Variants in SPART observed in about 807,000 individuals in gnomAD.
The protein encoded by SPART is spartin, also known as spastic paraplegia 20 (Troyer syndrome).
Under a neutral mutation model 58.7 loss-of-function variants are expected in SPART, and 35 were observed. That is an observed-to-expected ratio of 0.60 (90% confidence interval 0.46 to 0.79). The LOEUF is 0.79. SPART is among the 30% of genes least tolerant of loss of function. SPART has a pLI of 0.00. For synonymous variants in SPART, 284 were observed against 280.7 expected, an observed-to-expected ratio of 1.01 and a Z score of -0.12; for missense variants, 730 against 786.1, an observed-to-expected ratio of 0.93 and a Z score of 0.85.
chr13:36,335,547 A>G lies in SPART; in HGVS notation c.284T>C (p.Leu95Pro), dbSNP rs1182609911. 8 of 1,614,088 alleles carry G rather than the reference A, an allele frequency of 5.0e-6. No homozygotes were observed. Among genetic ancestry groups the G allele is most frequent in the Non-Finnish European group, 5.9e-6 (7 of 1,180,036 alleles). Residue 95 changes from leucine (L) to proline (P), a missense_variant, in exon 2 of 9, where the codon CTA becomes CCA. Physicochemically the swap from Leu to Pro is moderately conservative, Grantham distance 98. Transcript: ENST00000438666. ...LQNVRTRLEI[L>P]EKGLATSLQN... is the part of the protein sequence containing the mutation. ...CAGAGAAGTGGCAAGACCCTTCTCT[A>G]GAATTTCCAGCCTGGTGCGTACATT... is the stretch of plus-strand genomic sequence containing the variant.
chr13:36,325,127 G>A (rs958738644), intron 5 of SPART, among the ~76,000 whole-genome samples: 15 of 152,176 alleles, frequency 9.9e-5, no homozygotes, highest in African/African-American at 3.1e-4. Flanking sequence ...TCAGAGGCCT[G>A]ACAAGTATAA....
chr13:36,322,268 G>A (rs1882488627), intron 5 of SPART, among the ~76,000 whole-genome samples: 1 of 151,944 alleles, frequency 6.6e-6, no homozygotes, highest in Non-Finnish European at 1.5e-5. Flanking sequence ...CCAATATGGT[G>A]AAACTTTGTG....
At chr13:36,317,394 C>T (rs1360582858) in intron 5 of SPART, among the ~76,000 whole-genome samples, 1 of 152,036 alleles carries the variant, frequency 6.6e-6, no homozygotes, top group Non-Finnish European at 1.5e-5. Context: ...AACCTCGTAT[C>T]TCTGTGCCCC....
In SPART at chr13:36,304,228, A is replaced by C; in HGVS notation, c.*137T>G. 1.9e-6 allele frequency: 2 copies of C among 1,054,348 alleles called. No individual in the cohort carries two copies. Among genetic ancestry groups the C allele is most frequent in the Non-Finnish European group, 2.8e-6 (2 of 705,568 alleles). The allele number at this position is 1,054,348 out of a possible 1,614,324, so 65.3% of individuals were successfully genotyped here. On this transcript the variant is annotated 3_prime_UTR_variant, in exon 9 of 9. Transcript: ENST00000438666. The stretch of plus-strand genomic sequence containing the variant: ...CTTTTAAATAGAAGACATGCCATAA[A>C]ATTTATGAAAGTTAATTTGTAGGAA...
rs369643695 is a variant in SPART at position 36,309,137 on chromosome 13, G to A, written c.1733+3008C>T. ...CGGACACCTGTAGTCCCAGCTACTA[G>A]GGAGGCTGAGGCAGGAGAATGGTGT... On this transcript the variant is annotated intron_variant, in intron 8 of 8. Coordinates refer to ENST00000438666, the MANE Select transcript of SPART (RefSeq NM_015087.5). Among the ~76,000 whole-genome samples the A allele has an allele frequency of 5.8e-4, 88 of 152,026 alleles. 1 individual carries two copies. In the South Asian group the frequency reaches 0.018, roughly 32 times the overall value.
intron 4 of SPART, among the ~76,000 whole-genome samples, chr13:36,329,153 C>CA (rs1306519016): frequency 6.6e-6 from 1 of 152,112 alleles, no homozygotes; most frequent in Non-Finnish European, 1.5e-5. Context: ...CCCCCAAACA[C>CA]AGAGTATCTT....
At chr13:36,323,099 GGAT>G (rs143294590) in intron 5 of SPART, among the ~76,000 whole-genome samples, 2,948 of 152,234 alleles carry the variant, frequency 0.019, 85 homozygotes, top group African/African-American at 0.067. Context: ...CTCAACCCTA[GGAT>G]GATATGTTGG....
chr13:36,321,617 G>A (rs947443378), intron 5 of SPART, among the ~76,000 whole-genome samples: 28 of 151,924 alleles, frequency 1.8e-4, no homozygotes, highest in Admixed American at 5.2e-4. Flanking sequence ...CCCTAATCCC[G>A]CTTGAAGCAG....
At chr13:36,327,744 T>C (rs1883070360) in intron 4 of SPART, among the ~76,000 whole-genome samples, 1 of 152,166 alleles carries the variant, frequency 6.6e-6, no homozygotes. Context: ...TCCCAGCACT[T>C]TGGGAGGCCA....
At chr13:36,357,275 C>G in intron 1 of SPART, among the ~76,000 whole-genome samples, 1 of 152,190 alleles carries the variant, frequency 6.6e-6, no homozygotes, top group South Asian at 2.1e-4. Context: ...TTTTGTAATT[C>G]AAGCCCCTTG....
intron 8 of SPART, among the ~76,000 whole-genome samples, chr13:36,311,219 AT>A (rs1177494048): frequency 6.6e-6 from 1 of 152,120 alleles, no homozygotes; most frequent in African/African-American, 2.4e-5. Context: ...CATTCACGAG[AT>A]TTTTTCCTCT....
intron 1 of SPART, among the ~76,000 whole-genome samples, chr13:36,343,446 C>T (rs1434812142): frequency 6.6e-6 from 1 of 152,084 alleles, no homozygotes; most frequent in Non-Finnish European, 1.5e-5. Context: ...CCACTGAATA[C>T]AGGTGAAAGA....
At chr13:36,306,881 G>A (rs1240760541) in intron 8 of SPART, among the ~76,000 whole-genome samples, 1 of 152,146 alleles carries the variant, frequency 6.6e-6, no homozygotes, top group Non-Finnish European at 1.5e-5. Flanking sequence ...AAAAAACGAT[G>A]TATATGTGTG....
intron 1 of SPART, among the ~76,000 whole-genome samples, chr13:36,363,912 T>C (rs1443759053): frequency 6.6e-6 from 1 of 152,136 alleles, no homozygotes; most frequent in Non-Finnish European, 1.5e-5. Context: ...ATTATGAAAA[T>C]CAGGAAACTA....
At chr13:36,323,317 T>A (rs1002412875) in intron 5 of SPART, among the ~76,000 whole-genome samples, 2 of 152,206 alleles carry the variant, frequency 1.3e-5, no homozygotes, top group African/African-American at 2.4e-5. Flanking sequence ...GTGGGCTCCA[T>A]CAGTTTATTG....
rs555637670 is a variant in SPART at position 36,301,687 on chromosome 13, A to G, written c.*2678T>C. 25 of 152,310 alleles carry G rather than the reference A, an allele frequency of 1.6e-4. No homozygotes were observed. Among genetic ancestry groups the G allele is most frequent in the African/African-American group, 5.5e-4 (23 of 41,558 alleles). The allele number at this position is 152,310 out of a possible 1,614,324, so 9.4% of individuals were successfully genotyped here. ...TATATGCTACATTAACAATAAAAACATTGCAAAGGGAAGTAATACTCAAGA... is the reference window on the plus strand; with the variant it reads ...TATATGCTACATTAACAATAAAAACGTTGCAAAGGGAAGTAATACTCAAGA... On this transcript the variant is annotated 3_prime_UTR_variant, in exon 9 of 9. Coordinates refer to ENST00000438666, the MANE Select transcript of SPART (RefSeq NM_015087.5).
upstream of SPART, among the ~76,000 whole-genome samples, chr13:36,347,544 C>A (rs575204954): frequency 6.6e-6 from 1 of 152,116 alleles, no homozygotes; most frequent in Non-Finnish European, 1.5e-5. Context: ...TGAGTCACCG[C>A]GCCTGGCCTT....
At chr13:36,334,954 A>G (rs1883813524) in intron 2 of SPART, 67 bp downstream of exon 2, 2 of 1,331,586 alleles carry the variant, frequency 1.5e-6, no homozygotes, top group East Asian at 2.3e-5. Context: ...ACACATAAAC[A>G]TTAACAAATA....
chr13:36,363,011 A>G (rs1885922414), intron 1 of SPART, among the ~76,000 whole-genome samples: 1 of 152,056 alleles, frequency 6.6e-6, no homozygotes, highest in Non-Finnish European at 1.5e-5. Context: ...TCCTCTGAAT[A>G]TTTTTTTTAA....
Sources: gnomAD v4.1 joint callset for allele counts (sites outside exome capture counted in the v4.1 genomes callset) on GRCh38, gnomAD v4.1.1 for gene constraint, MANE v1.5 for transcripts, NCBI Gene and HGNC (gene_info 2026-07-23, HGNC 2026-07-21) for gene names.